Variants in MEGF10 observed in about 807,000 individuals in gnomAD.
MEGF10 encodes multiple epidermal growth factor-like domains protein 10.
In MEGF10, 86 loss-of-function variants were observed where a neutral mutation model predicts 147.5. The observed-to-expected ratio is 0.58, with a 90% CI of 0.49 to 0.70. The LOEUF is 0.70. MEGF10 is among the 30% of genes least tolerant of loss of function. The probability of loss-of-function intolerance (pLI) is 0.00; values close to 1 mark genes in which losing one functional copy is unlikely to be tolerated. For missense variants in MEGF10, 1,329 were observed against 1,487.3 expected, an observed-to-expected ratio of 0.89 and a Z score of 1.75; for synonymous variants, 478 against 525.5, an observed-to-expected ratio of 0.91 and a Z score of 1.24.
chr5:127,440,956 C>A, intron 18 of MEGF10, 89 bp downstream of exon 18: 2 of 1,522,524 alleles, frequency 1.3e-6, no homozygotes, highest in South Asian at 1.2e-5. Flanking sequence ...AGGCAGAATT[C>A]ACCACTCCGA....
intron 13 of MEGF10, among the ~76,000 whole-genome samples, chr5:127,431,957 A>G (rs978204075): frequency 1.2e-4 from 19 of 152,118 alleles, no homozygotes; most frequent in Non-Finnish European, 2.8e-4. Flanking sequence ...AGAGATTTGA[A>G]AAAAAAATAA....
intron 4 of MEGF10, among the ~76,000 whole-genome samples, chr5:127,365,902 C>T (rs1445036107): frequency 6.6e-6 from 1 of 152,188 alleles, no homozygotes; most frequent in African/African-American, 2.4e-5. Context: ...CATGGGACAA[C>T]CACACTTATA....
chr5:127,298,726 T>C (rs368009051), intron 1 of MEGF10, among the ~76,000 whole-genome samples: 10 of 152,270 alleles, frequency 6.6e-5, no homozygotes, highest in African/African-American at 2.4e-4. Flanking sequence ...GAATAGCTGG[T>C]CTGTGAGAAC....
intron 2 of MEGF10, among the ~76,000 whole-genome samples, chr5:127,336,954 G>T (rs1761494635): frequency 6.6e-6 from 1 of 152,086 alleles, no homozygotes; most frequent in Non-Finnish European, 1.5e-5. Flanking sequence ...GAGATATAAT[G>T]CTGTAGGCCT....
chr5:127,248,396 TAGAA>T, the MEGF10 span, among the ~76,000 whole-genome samples: 27 of 151,992 alleles, frequency 1.8e-4, no homozygotes, highest in East Asian at 4.3e-3. Context: ...AAAAATACAA[TAGAA>T]AGAGATCCTG....
chr5:127,377,037 G>A (rs1189523953), intron 5 of MEGF10, among the ~76,000 whole-genome samples: 2 of 152,128 alleles, frequency 1.3e-5, no homozygotes, highest in Non-Finnish European at 2.9e-5. Flanking sequence ...GACGTTGAGG[G>A]CCCATTAATA....
At chr5:127,366,591 C>T (rs1173424800) in intron 4 of MEGF10, among the ~76,000 whole-genome samples, 1 of 152,168 alleles carries the variant, frequency 6.6e-6, no homozygotes, top group Non-Finnish European at 1.5e-5. Flanking sequence ...AACTTACAGG[C>T]AAATTTGTTT....
At chr5:127,391,446 A>G (rs972803853) in intron 5 of MEGF10, among the ~76,000 whole-genome samples, 3 of 151,772 alleles carry the variant, frequency 2.0e-5, no homozygotes, top group Non-Finnish European at 4.4e-5. Context: ...TCATGGCAGC[A>G]TGCATCTATA....
the MEGF10 span, among the ~76,000 whole-genome samples, chr5:127,244,087 C>G: frequency 1.3e-5 from 2 of 148,438 alleles, no homozygotes; most frequent in African/African-American, 5.0e-5. Flanking sequence ...TCCCAACTAC[C>G]TGGGAGGCTG....
chr5:127,274,494 A>G, the MEGF10 span, among the ~76,000 whole-genome samples: 3 of 152,156 alleles, frequency 2.0e-5, no homozygotes, highest in Non-Finnish European at 4.4e-5. Flanking sequence ...TTTACTTTAG[A>G]ATGATATAAT....
At chr5:127,233,388 T>C in the MEGF10 span, among the ~76,000 whole-genome samples, 3 of 152,184 alleles carry the variant, frequency 2.0e-5, no homozygotes, top group Admixed American at 2.0e-4. Context: ...TCCAGCATAA[T>C]CCACTTCAGG....
intron 4 of MEGF10, among the ~76,000 whole-genome samples, chr5:127,343,214 G>C (rs1163573870): frequency 6.6e-6 from 1 of 152,076 alleles, no homozygotes; most frequent in Non-Finnish European, 1.5e-5. Context: ...ATTAAACACA[G>C]GAATCAGTCA....
At chr5:127,300,258 G>T (rs1365565279) in intron 1 of MEGF10, among the ~76,000 whole-genome samples, 2 of 152,118 alleles carry the variant, frequency 1.3e-5, no homozygotes, top group Non-Finnish European at 2.9e-5. Flanking sequence ...TGTTCATTTG[G>T]CTCCCCATTT....
intron 4 of MEGF10, among the ~76,000 whole-genome samples, chr5:127,351,749 A>T (rs1392385671): frequency 1.3e-5 from 2 of 152,202 alleles, no homozygotes; most frequent in Non-Finnish European, 2.9e-5. Flanking sequence ...GTAACTTCAC[A>T]CTACACATGG....
intron 5 of MEGF10, among the ~76,000 whole-genome samples, chr5:127,392,013 A>G (rs1209490722): frequency 6.6e-6 from 1 of 152,204 alleles, no homozygotes; most frequent in Non-Finnish European, 1.5e-5. Flanking sequence ...AAAGTAAAAT[A>G]AAGAAAAATT....
At chr5:127,331,192 GC>G in intron 1 of MEGF10, 98 bp from the exon 2 acceptor site, 1 of 650,102 alleles carries the variant, frequency 1.5e-6, no homozygotes, top group East Asian at 2.7e-5. Flanking sequence ...GCACATTTCA[GC>G]CCCACTGACA....
the MEGF10 span, among the ~76,000 whole-genome samples, chr5:127,284,969 A>C: frequency 1.9e-4 from 29 of 152,330 alleles, no homozygotes; most frequent in Non-Finnish European, 3.7e-4. Context: ...AAATGAGAAT[A>C]TCTCTGGATT....
chr5:127,279,870 T>C, the MEGF10 span, among the ~76,000 whole-genome samples: 1 of 152,192 alleles, frequency 6.6e-6, no homozygotes. Flanking sequence ...GACAAATCAC[T>C]TAATTGAATC....
the MEGF10 span, among the ~76,000 whole-genome samples, chr5:127,231,019 C>T: frequency 6.6e-6 from 1 of 152,140 alleles, no homozygotes; most frequent in South Asian, 2.1e-4. Context: ...TAGCCCAAAT[C>T]TGGACACTAT....
Sources: allele counts gnomAD v4.1 joint callset (sites outside exome capture counted in the v4.1 genomes callset), GRCh38; gene constraint gnomAD v4.1.1; transcripts MANE v1.5; gene names NCBI Gene and HGNC (gene_info 2026-07-23, HGNC 2026-07-21).